GPC5: variants seen among roughly 807,000 people sequenced by gnomAD.
GPC5 encodes the protein glypican 5, also known as glypican-5.
In GPC5, 47 loss-of-function variants were observed where a neutral mutation model predicts 53.9. The ratio of observed to expected loss-of-function variants is 0.87; its 90% CI spans 0.69 to 1.11. The LOEUF is 1.11. Ranked by LOEUF, GPC5 falls within the 50% of genes most tolerant of loss-of-function variation. GPC5 has a pLI of 0.00. For synonymous variants in GPC5, 286 were observed against 263.3 expected, an observed-to-expected ratio of 1.09 and a Z score of -0.84; for missense variants, 748 against 713.1, an observed-to-expected ratio of 1.05 and a Z score of -0.56.
chr13:91,572,252 TACAC>T (rs2031950908), intron 2 of GPC5, among the ~76,000 whole-genome samples: 1 of 133,668 alleles, frequency 7.5e-6, no homozygotes, highest in Non-Finnish European at 1.5e-5. Context: ...TGTATATATA[TACAC>T]ATATGTATAT....
chr13:92,169,849 T>G (rs6492589), intron 7 of GPC5, among the ~76,000 whole-genome samples: 82,697 of 151,892 alleles, frequency 0.54, 22,777 homozygotes, highest in South Asian at 0.72. Context: ...TTATTTATTT[T>G]ATTTAGGCTG....
At chr13:91,508,968 C>T (rs372621141) in intron 2 of GPC5, among the ~76,000 whole-genome samples, 5 of 152,122 alleles carry the variant, frequency 3.3e-5, no homozygotes, top group Non-Finnish European at 7.4e-5. Context: ...TTGTGTTCCC[C>T]ATCCCATACT....
intron 7 of GPC5, among the ~76,000 whole-genome samples, chr13:92,263,703 A>G (rs1327442432): frequency 6.6e-6 from 1 of 152,152 alleles, no homozygotes; most frequent in Non-Finnish European, 1.5e-5. Flanking sequence ...ATTAACCCAT[A>G]GTGTTCAATT....
chr13:92,267,797 G>A (rs1386916666), intron 7 of GPC5, among the ~76,000 whole-genome samples: 1 of 151,986 alleles, frequency 6.6e-6, no homozygotes, highest in Non-Finnish European at 1.5e-5. Flanking sequence ...ACAGAATTGG[G>A]TAGTTCTGAC....
At chr13:92,552,394 T>G (rs531476642) in intron 7 of GPC5, among the ~76,000 whole-genome samples, 10 of 152,066 alleles carry the variant, frequency 6.6e-5, no homozygotes, top group African/African-American at 1.2e-4. Context: ...GAATCATATT[T>G]TCTCACTTAG....
chr13:92,180,479 T>C (rs2042138852), intron 7 of GPC5, among the ~76,000 whole-genome samples: 1 of 151,054 alleles, frequency 6.6e-6, no homozygotes, highest in Non-Finnish European at 1.5e-5. Context: ...GTGGTCACCT[T>C]TAAGTATTAT....
At chr13:92,486,623 G>A (rs919915418) in intron 7 of GPC5, among the ~76,000 whole-genome samples, 4 of 152,046 alleles carry the variant, frequency 2.6e-5, no homozygotes, top group Non-Finnish European at 5.9e-5. Context: ...CAATTTGGAG[G>A]TACTTGATTG....
chr13:91,930,588 CA>C (rs200382530), intron 6 of GPC5, among the ~76,000 whole-genome samples: 6 of 150,260 alleles, frequency 4.0e-5, no homozygotes, highest in Admixed American at 6.7e-5. Context: ...TTTTGTCCTA[CA>C]AAAAAAAATG....
chr13:91,810,918 TCA>T (rs1217217211), intron 5 of GPC5, among the ~76,000 whole-genome samples: 2 of 143,704 alleles, frequency 1.4e-5, no homozygotes, highest in Non-Finnish European at 3.0e-5. Flanking sequence ...TTATTTAGAA[TCA>T]CAGAGATTTT....
intron 7 of GPC5, among the ~76,000 whole-genome samples, chr13:92,829,616 A>AT (rs1417086699): frequency 1.3e-5 from 2 of 152,140 alleles, no homozygotes; most frequent in Non-Finnish European, 2.9e-5. Context: ...ATCCCACAGT[A>AT]TTTTTATCCA....
chr13:92,047,093 A>G (rs2040987931), intron 6 of GPC5, among the ~76,000 whole-genome samples: 2 of 152,178 alleles, frequency 1.3e-5, no homozygotes, highest in South Asian at 4.1e-4. Flanking sequence ...GATGTGTGCA[A>G]TATTTCCTCT....
chr13:92,789,051 G>A lies in GPC5; in HGVS notation c.1562-77231G>A, dbSNP rs76813727. Among the ~76,000 whole-genome samples the A allele has an allele frequency of 8.5e-3, 1,296 of 152,254 alleles. 19 individuals carry two copies. Among genetic ancestry groups the A allele is most frequent in the African/African-American group, 0.03 (1,239 of 41,558 alleles). ...TCAGGCCAGCGGGGTTTCCCACAGC[G>A]TATTTGCTCAATATTTCAATATGGA... On this transcript the variant is annotated intron_variant, in intron 7 of 7. Coordinates refer to ENST00000377067, the MANE Select transcript of GPC5 (RefSeq NM_004466.6).
In GPC5 at chr13:91,616,224, C is replaced by G. The variant is rs183891500; in HGVS notation, c.326-76963C>G. On this transcript the variant is annotated intron_variant, in intron 2 of 7. Coordinates refer to ENST00000377067, the MANE Select transcript of GPC5 (RefSeq NM_004466.6). ...CTTGTTTCATTATGGAGCTGGGCAC[C>G]CTGACAATAAATTCTTCTATCAAAT... Among the ~76,000 whole-genome samples, 71 of 152,058 alleles carry G rather than the reference C, an allele frequency of 4.7e-4. 2 individuals carry two copies. The East Asian group carries it at 9.1e-3, about 19-fold the overall frequency.
chr13:91,871,863 A>G (rs1203740437), intron 5 of GPC5, among the ~76,000 whole-genome samples: 2 of 152,148 alleles, frequency 1.3e-5, no homozygotes, highest in Non-Finnish European at 2.9e-5. Flanking sequence ...TGACAGTAAC[A>G]TAAGGCTGCT....
chr13:92,294,829 T>TC (rs1566524646), intron 7 of GPC5, among the ~76,000 whole-genome samples: 4 of 60,218 alleles, frequency 6.6e-5, no homozygotes, highest in South Asian at 5.8e-4. Context: ...TTTTTTTCTT[T>TC]TTTTTTTTTT....
intron 1 of GPC5, among the ~76,000 whole-genome samples, chr13:91,422,450 A>G (rs1245283711): frequency 6.6e-6 from 1 of 152,106 alleles, no homozygotes; most frequent in Non-Finnish European, 1.5e-5. Context: ...AGCCTGGCCA[A>G]CATGGTGAAA....
intron 1 of GPC5, among the ~76,000 whole-genome samples, chr13:91,436,912 T>A (rs1425173852): frequency 6.6e-6 from 1 of 152,236 alleles, no homozygotes; most frequent in Non-Finnish European, 1.5e-5. Flanking sequence ...TAGCTCTTCT[T>A]GTTGAATTGA....
chr13:91,644,084 AT>A (rs1439440311), intron 2 of GPC5, among the ~76,000 whole-genome samples: 1 of 152,062 alleles, frequency 6.6e-6, no homozygotes, highest in African/African-American at 2.4e-5. Context: ...TATTGGTAAA[AT>A]TAATTTTACC....
At chr13:92,191,259 C>T (rs1257763694) in intron 7 of GPC5, among the ~76,000 whole-genome samples, 1 of 152,054 alleles carries the variant, frequency 6.6e-6, no homozygotes, top group Non-Finnish European at 1.5e-5. Flanking sequence ...ATACAGGTGG[C>T]ATATAAGAAT....
Sources: allele counts gnomAD v4.1 joint callset (sites outside exome capture counted in the v4.1 genomes callset), GRCh38; gene constraint gnomAD v4.1.1; transcripts MANE v1.5; gene names NCBI Gene and HGNC (gene_info 2026-07-23, HGNC 2026-07-21).